LEPR: variants seen among roughly 807,000 people sequenced by gnomAD.
The protein encoded by LEPR is OB receptor.
A neutral mutation model predicts 114.7 loss-of-function variants in LEPR; 56 were observed. That is an observed-to-expected ratio of 0.49 (90% confidence interval 0.39 to 0.61). The LOEUF (loss-of-function observed/expected upper bound fraction) is 0.61, where lower values mean the gene tolerates loss of function less well. Ranked by LOEUF, LEPR falls within the 20% of genes least tolerant of loss-of-function variation. The probability of loss-of-function intolerance (pLI) is 0.00; values close to 1 mark genes in which losing one functional copy is unlikely to be tolerated. For missense variants in LEPR, 1,202 were observed against 1,352.9 expected, an observed-to-expected ratio of 0.89 and a Z score of 1.75; for synonymous variants, 443 against 461.4, an observed-to-expected ratio of 0.96 and a Z score of 0.51.
intron 5 of LEPR, among the ~76,000 whole-genome samples, chr1:65,572,667 A>C (rs181485546): frequency 2.0e-4 from 31 of 152,300 alleles, no homozygotes; most frequent in African/African-American, 7.0e-4. Flanking sequence ...TGTCAGGTCC[A>C]TGAGTATACC....
intron 2 of LEPR, among the ~76,000 whole-genome samples, chr1:65,552,281 G>A (rs538882118): frequency 6.6e-6 from 1 of 152,248 alleles, no homozygotes; most frequent in Admixed American, 6.5e-5. Flanking sequence ...CTTTCTTGTT[G>A]ATCTGTCTAA....
chr1:65,519,029 C>CTTCTT (rs1266223160), intron 2 of LEPR, among the ~76,000 whole-genome samples: 4 of 139,780 alleles, frequency 2.9e-5, no homozygotes, highest in East Asian at 2.0e-4. Flanking sequence ...CTTTCTCTTT[C>CTTCTT]TTCTTTTCTT....
chr1:65,426,537 A>ATAAATCAAGC (rs1646374956), intron 2 of LEPR, among the ~76,000 whole-genome samples: 1 of 152,278 alleles, frequency 6.6e-6, no homozygotes, highest in South Asian at 2.1e-4. Context: ...GACTACTATC[A>ATAAATCAAGC]TAAATCAAGC....
chr1:65,636,613 G>C lies in LEPR; in HGVS notation c.3096G>C (p.Glu1032Asp). 6.2e-7 allele frequency: 1 copy of C among 1,613,662 alleles called. No homozygotes were observed. The highest frequency in any genetic ancestry group is 8.5e-7 in the Non-Finnish European group (1 of 1,179,864). The change falls in exon 20 of 20, where the codon GAG (glutamate) becomes GAC (aspartate). Residue 1032 changes from glutamate (E) to aspartate (D), a missense_variant. By Grantham distance (45) the Glu-to-Asp change is conservative. Coordinates refer to ENST00000349533, the MANE Select transcript of LEPR (RefSeq NM_002303.6). ...TCTCTAATAGCTCATGGGAGATAGA[G>C]GCCCAGGCATTTTTTATATTATCAG... ...DSFSNSSWEI[E>D]AQAFFILSDQ...
chr1:65,423,870 T>C (rs1159566935), intron 1 of LEPR, among the ~76,000 whole-genome samples: 1 of 152,242 alleles, frequency 6.6e-6, no homozygotes, highest in Non-Finnish European at 1.5e-5. Flanking sequence ...TTTCTACCTT[T>C]ATCAAAGAAC....
At chr1:65,470,245 C>A (rs1221113758) in intron 2 of LEPR, among the ~76,000 whole-genome samples, 1 of 152,186 alleles carries the variant, frequency 6.6e-6, no homozygotes, top group Admixed American at 6.5e-5. Context: ...ATAACTACTC[C>A]TACCTCACCA....
At chr1:65,528,815 T>A (rs866192702) in intron 2 of LEPR, among the ~76,000 whole-genome samples, 1 of 152,176 alleles carries the variant, frequency 6.6e-6, no homozygotes, top group African/African-American at 2.4e-5. Flanking sequence ...TATTTACTTA[T>A]TTATTTTGAG....
chr1:65,574,467 T>C (rs901918985), intron 5 of LEPR, among the ~76,000 whole-genome samples: 1 of 152,144 alleles, frequency 6.6e-6, no homozygotes, highest in African/African-American at 2.4e-5. Context: ...TGGAGCTCAT[T>C]AATATATGTT....
chr1:65,586,471 T>G (rs186730603), intron 5 of LEPR, among the ~76,000 whole-genome samples: 4 of 152,118 alleles, frequency 2.6e-5, no homozygotes, highest in Admixed American at 2.0e-4. Flanking sequence ...ATAGTAAACA[T>G]TTTGGGGTTT....
chr1:65,589,688 C>A (rs1179401427), intron 5 of LEPR, among the ~76,000 whole-genome samples: 1 of 151,864 alleles, frequency 6.6e-6, no homozygotes, highest in African/African-American at 2.4e-5. Flanking sequence ...ATCATTTTTC[C>A]ACAGAATTTC....
intron 2 of LEPR, among the ~76,000 whole-genome samples, chr1:65,524,554 G>A (rs572222249): frequency 2.0e-5 from 3 of 152,330 alleles, no homozygotes; most frequent in African/African-American, 4.8e-5. Flanking sequence ...AGCTGGGCCA[G>A]GGAGCCGGGA....
At chr1:65,439,293 A>G (rs1315533306) in intron 2 of LEPR, among the ~76,000 whole-genome samples, 1 of 152,226 alleles carries the variant, frequency 6.6e-6, no homozygotes, top group African/African-American at 2.4e-5. Flanking sequence ...CTTATTACAA[A>G]GTTATACATT....
At position 65,550,489 on chromosome 1, in the gene LEPR, GT is replaced by G. The variant is rs1208588713; in HGVS notation, c.-20-15053del. On this transcript the variant is annotated intron_variant, in intron 2 of 19. Coordinates refer to ENST00000349533, the MANE Select transcript of LEPR (RefSeq NM_002303.6). ...TCCACCCAGTTCGAGCTTCCTGGCT[GT>G]TTTGTTTACCTAAGGGAGCCTGGGC... Among the ~76,000 whole-genome samples, 14 of 152,354 alleles carry G rather than the reference GT, an allele frequency of 9.2e-5. No homozygotes were observed. In the East Asian group the frequency reaches 2.7e-3, roughly 29 times the overall value.
chr1:65,556,317 A>G (rs1652812492), intron 2 of LEPR, among the ~76,000 whole-genome samples: 1 of 152,140 alleles, frequency 6.6e-6, no homozygotes, highest in Non-Finnish European at 1.5e-5. Flanking sequence ...AGCAGCCCAA[A>G]TGAATGAAGA....
chr1:65,574,069 G>T (rs762784049), intron 5 of LEPR, among the ~76,000 whole-genome samples: 6 of 152,190 alleles, frequency 3.9e-5, no homozygotes, highest in Non-Finnish European at 5.9e-5. Flanking sequence ...TATGTATTTG[G>T]TAGGTACATA....
chr1:65,508,929 T>C (rs1354571204), intron 2 of LEPR, among the ~76,000 whole-genome samples: 1 of 152,158 alleles, frequency 6.6e-6, no homozygotes, highest in East Asian at 1.9e-4. Flanking sequence ...CTCCTAAGTA[T>C]TTTATTTTTT....
chr1:65,633,056 C>G lies in LEPR; in HGVS notation c.2674-3135C>G. 1.0e-6 allele frequency: 1 copy of G among 989,206 alleles called. No homozygotes were observed. Among genetic ancestry groups the G allele is most frequent in the Non-Finnish European group, 1.5e-6 (1 of 645,748 alleles). 61.3% of individuals were successfully genotyped at this position (989,206 alleles called of 1,614,324 possible). ...TAACACAAAAATTTATAGTCCAGAA[C>G]CCATGCTTGACAATGTTTTTTGAAA... On this transcript the variant is annotated intron_variant, in intron 19 of 19. Coordinates refer to ENST00000349533, the MANE Select transcript of LEPR (RefSeq NM_002303.6). This position sits in a 1 kb window ranked among gnomAD's most constrained non-coding sequence, Gnocchi z 4.1.
chr1:65,457,277 T>C (rs913830481), intron 2 of LEPR, among the ~76,000 whole-genome samples: 1 of 152,150 alleles, frequency 6.6e-6, no homozygotes, highest in African/African-American at 2.4e-5. Flanking sequence ...ATAAGAAAAA[T>C]AGAAGTTTTT....
intron 5 of LEPR, among the ~76,000 whole-genome samples, chr1:65,583,662 A>G (rs1173101628): frequency 6.6e-6 from 1 of 152,200 alleles, no homozygotes; most frequent in Non-Finnish European, 1.5e-5. Context: ...AAAATAAAAC[A>G]ATGTAATATT....
Sources: gnomAD v4.1 joint callset for allele counts (sites outside exome capture counted in the v4.1 genomes callset) on GRCh38, gnomAD v4.1.1 for gene constraint, Gnocchi (gnomAD v3.1) non-coding constraint, MANE v1.5 for transcripts, NCBI Gene and HGNC (gene_info 2026-07-23, HGNC 2026-07-21) for gene names.